The following NME9 variants were observed in gnomAD, a reference collection of about 807,000 sequenced individuals.
NME9 encodes NME/NM23 family member 9.
NME9 carries 48 observed loss-of-function variants against 44.4 expected under a neutral mutation model. The ratio of observed to expected loss-of-function variants is 1.08; its 90% CI spans 0.86 to 1.37. The LOEUF (loss-of-function observed/expected upper bound fraction) is 1.37, where lower values mean the gene tolerates loss of function less well. NME9 is among the 40% of genes most tolerant of loss of function. The pLI is 0.00. For missense variants in NME9, 325 were observed against 405.2 expected (o/e 0.80, Z 1.70); for synonymous variants, 139 against 147.1 (o/e 0.94, Z 0.40).
rs145550266 is a variant in NME9 at position 138,267,983 on chromosome 3, G to A, written c.746-5397C>T. Among the ~76,000 whole-genome samples, 13 of 152,176 alleles carry A rather than the reference G, an allele frequency of 8.5e-5. No homozygotes were observed. In the East Asian group the frequency reaches 1.5e-3, roughly 18 times the overall value. On this transcript the variant is annotated intron_variant, in intron 8 of 8. Transcript: ENST00000317876. ...TCTGGCCAGGCACGGTGGTTCATGC[G>A]TGTAAACCCAGCAGTTTGGGAGGCC...
At chr3:138,305,085 A>T in intron 8 of NME9, 58 bp from the exon 9 acceptor site, 4 of 1,512,470 alleles carry the variant, frequency 2.6e-6, no homozygotes, top group Non-Finnish European at 2.7e-6. Flanking sequence ...CCTGCAGAGG[A>T]TCAGCGAGCC....
At chr3:138,277,020 T>C (rs1422975559) in intron 8 of NME9, among the ~76,000 whole-genome samples, 1 of 152,086 alleles carries the variant, frequency 6.6e-6, no homozygotes. Context: ...GTTTCAAGAC[T>C]TAATTATAAA....
At chr3:138,293,207 AG>A (rs2051142587) in intron 8 of NME9, among the ~76,000 whole-genome samples, 1 of 152,224 alleles carries the variant, frequency 6.6e-6, no homozygotes, top group Admixed American at 6.5e-5. Flanking sequence ...AGGACAGGCT[AG>A]GCCTCTGCTT....
rs564858075 is a variant in NME9, at chr3:138,316,112, G to A, written c.268-469C>T. Among the ~76,000 whole-genome samples, 4 of 152,236 alleles carry A rather than the reference G, an allele frequency of 2.6e-5. No individual in the cohort carries two copies. The South Asian group carries it at 6.2e-4, about 24-fold the overall frequency. ...CTCCCAAAGCGTTGGGATTACAGGCGTGAGCCACCGCACCTGGCCAGTCTG... is the reference window on the plus strand; with the variant it reads ...CTCCCAAAGCGTTGGGATTACAGGCATGAGCCACCGCACCTGGCCAGTCTG... On this transcript the variant is annotated intron_variant, in intron 4 of 10. Coordinates refer to ENST00000333911, the MANE Select transcript of NME9 (RefSeq NM_001349018.2).
chr3:138,321,072 TTTG>T (rs2053434844), intron 2 of NME9, among the ~76,000 whole-genome samples: 4 of 152,226 alleles, frequency 2.6e-5, no homozygotes, highest in Non-Finnish European at 5.9e-5. Context: ...GCAGGTGCAC[TTTG>T]CTTTTCTCTG....
intron 6 of NME9, among the ~76,000 whole-genome samples, chr3:138,309,012 A>C (rs1255805226): frequency 1.3e-5 from 2 of 151,834 alleles, no homozygotes; most frequent in African/African-American, 4.8e-5. Context: ...TATCCTTCAA[A>C]TATGAAGGCA....
intron 8 of NME9, among the ~76,000 whole-genome samples, chr3:138,293,255 A>T (rs1460697215): frequency 6.6e-6 from 1 of 152,178 alleles, no homozygotes; most frequent in Non-Finnish European, 1.5e-5. Flanking sequence ...AAAGAAGAAT[A>T]ACTAGGCTGG....
At chr3:138,319,449 T>C (rs2053320200) in intron 3 of NME9, 29 bp downstream of exon 3, 3 of 1,225,146 alleles carry the variant, frequency 2.4e-6, no homozygotes, top group Non-Finnish European at 3.6e-6. Flanking sequence ...TACAATGTTG[T>C]ATGACTGTTG....
At chr3:138,316,218 A>G (rs907786166) in intron 4 of NME9, among the ~76,000 whole-genome samples, 34 of 152,200 alleles carry the variant, frequency 2.2e-4, no homozygotes. Flanking sequence ...CCTTCAGGGT[A>G]ACCAGCAGTT....
At chr3:138,309,777 C>G (rs1321037655) in intron 6 of NME9, among the ~76,000 whole-genome samples, 1 of 152,054 alleles carries the variant, frequency 6.6e-6, no homozygotes, top group Non-Finnish European at 1.5e-5. Flanking sequence ...CCTGTAATCC[C>G]AAGACTTTGG....
chr3:138,295,791 G>T, intron 8 of NME9: 1 of 1,561,576 alleles, frequency 6.4e-7, no homozygotes, highest in South Asian at 1.1e-5. Flanking sequence ...TATCATCATT[G>T]AACCATAGGG....
intron 8 of NME9, among the ~76,000 whole-genome samples, chr3:138,271,961 A>G (rs1204243472): frequency 1.3e-5 from 2 of 152,126 alleles, no homozygotes; most frequent in Non-Finnish European, 1.5e-5. Context: ...ACACCTGGCT[A>G]TACAAGAGAT....
At chr3:138,310,644 A>C (rs879863088) in intron 6 of NME9, among the ~76,000 whole-genome samples, 2 of 152,208 alleles carry the variant, frequency 1.3e-5, no homozygotes, top group Admixed American at 1.3e-4. Flanking sequence ...TGAAAATTAG[A>C]CAACATACTC....
intron 8 of NME9, among the ~76,000 whole-genome samples, chr3:138,266,725 C>T (rs565043573): frequency 2.0e-5 from 3 of 152,248 alleles, no homozygotes; most frequent in East Asian, 3.9e-4. Flanking sequence ...CTGCTTGATT[C>T]GTCAGTGCTC....
intron 8 of NME9, among the ~76,000 whole-genome samples, chr3:138,285,576 C>G (rs1470653221): frequency 1.3e-5 from 2 of 152,188 alleles, no homozygotes; most frequent in Admixed American, 1.3e-4. Flanking sequence ...TGAACTTATA[C>G]TTTCTTACTG....
chr3:138,289,530 G>A (rs2050746420), intron 8 of NME9, among the ~76,000 whole-genome samples: 1 of 152,204 alleles, frequency 6.6e-6, no homozygotes, highest in African/African-American at 2.4e-5. Context: ...AGGTGCATTT[G>A]TGAGAAATGA....
rs1380807596 is a variant in NME9, at chr3:138,274,681, T to C, written c.746-12095A>G. ...GATGCTCTAGAAATAGGAAGAAATA[T>C]CTTCCACCATCCCTTAAACTCTCTT... is the stretch of plus-strand genomic sequence containing the variant. On this transcript the variant is annotated intron_variant, in intron 8 of 8. Transcript: ENST00000317876. 8 of 642,936 alleles carry C rather than the reference T, an allele frequency of 1.2e-5. No individual in the cohort carries two copies. In the East Asian group the frequency reaches 2.2e-4, roughly 18 times the overall value. The allele number at this position is 642,936 out of a possible 1,614,324, so 39.8% of individuals were successfully genotyped here.
intron 9 of NME9, among the ~76,000 whole-genome samples, chr3:138,304,151 A>C (rs1054119082): frequency 6.6e-6 from 1 of 152,162 alleles, no homozygotes; most frequent in African/African-American, 2.4e-5. Context: ...TTTACAGTTG[A>C]GAGAACTCAG....
chr3:138,298,656 T>C (rs1183171874), downstream of NME9, among the ~76,000 whole-genome samples: 1 of 152,152 alleles, frequency 6.6e-6, no homozygotes, highest in Non-Finnish European at 1.5e-5. Context: ...CCCAATATCA[T>C]GTCCACCCCC....
Sources: allele counts gnomAD v4.1 joint callset (sites outside exome capture counted in the v4.1 genomes callset), GRCh38; gene constraint gnomAD v4.1.1; transcripts MANE v1.5; gene names NCBI Gene and HGNC (gene_info 2026-07-23, HGNC 2026-07-21).